CACNA2D1: variants seen among roughly 807,000 people sequenced by gnomAD.
The protein encoded by CACNA2D1 is voltage-dependent calcium channel subunit alpha-2/delta-1.
CACNA2D1 carries 53 observed loss-of-function variants against 171.5 expected under a neutral mutation model. The ratio of observed to expected loss-of-function variants is 0.31; its 90% CI spans 0.25 to 0.39. CACNA2D1 has a LOEUF of 0.39. CACNA2D1 is among the 10% of genes least tolerant of loss of function. CACNA2D1 has a pLI of 1.00. For synonymous variants in CACNA2D1, 442 were observed against 443.1 expected (o/e 1.00, Z 0.03); for missense variants, 903 against 1,299.8 (o/e 0.69, Z 4.69).
At chr7:82,083,074 T>C (rs901225288) in intron 7 of CACNA2D1, among the ~76,000 whole-genome samples, 3 of 152,012 alleles carry the variant, frequency 2.0e-5, no homozygotes, top group Admixed American at 1.3e-4. Flanking sequence ...CCCTTTTCTC[T>C]CTTCCTCTAT....
chr7:81,952,712 C>G (rs1792747111), intron 38 of CACNA2D1, among the ~76,000 whole-genome samples: 1 of 152,060 alleles, frequency 6.6e-6, no homozygotes, highest in Non-Finnish European at 1.5e-5. Flanking sequence ...TTACTTCTCT[C>G]TCCTTTCTTC....
chr7:82,286,163 A>G (rs765304764), intron 3 of CACNA2D1, among the ~76,000 whole-genome samples: 83 of 152,068 alleles, frequency 5.5e-4, no homozygotes, highest in South Asian at 2.5e-3. Flanking sequence ...GCTTTTATAG[A>G]TATTACTTGC....
At position 82,217,661 on chromosome 7, in the gene CACNA2D1, C is replaced by T. The variant is rs200828914; in HGVS notation, c.295-47052G>A. On this transcript the variant is annotated intron_variant, in intron 3 of 38. Transcript: ENST00000356860. The stretch of plus-strand genomic sequence containing the variant: ...ACACACACACACACACACACACACA[C>T]ACAATCTTTATCATCATAATTGGTA... Among the ~76,000 whole-genome samples the T allele has an allele frequency of 3.3e-5, 5 of 149,678 alleles. No homozygotes were observed. In the East Asian group the frequency reaches 7.8e-4, roughly 23 times the overall value.
intron 1 of CACNA2D1, among the ~76,000 whole-genome samples, chr7:82,395,092 G>A (rs1174166224): frequency 2.6e-5 from 4 of 151,886 alleles, no homozygotes; most frequent in African/African-American, 9.7e-5. Context: ...GCATCCTATG[G>A]GCAGATAATA....
chr7:82,400,528 T>C (rs1020267285), intron 1 of CACNA2D1, among the ~76,000 whole-genome samples: 8 of 151,736 alleles, frequency 5.3e-5, no homozygotes, highest in Admixed American at 1.3e-4. Flanking sequence ...CTGGATCCCT[T>C]CCTTACACCT....
intron 1 of CACNA2D1, among the ~76,000 whole-genome samples, chr7:82,412,575 GC>G (rs1827792008): frequency 6.6e-6 from 1 of 151,866 alleles, no homozygotes; most frequent in Non-Finnish European, 1.5e-5. Flanking sequence ...GAGCCACTGT[GC>G]CCGGCCTAGT....
At chr7:82,425,656 C>A (rs769837722) in intron 1 of CACNA2D1, among the ~76,000 whole-genome samples, 1 of 150,348 alleles carries the variant, frequency 6.7e-6, no homozygotes, top group Non-Finnish European at 1.5e-5. Flanking sequence ...TCCTCTCACC[C>A]GCATAGCTGG....
At chr7:82,313,081 C>T (rs1459922377) in intron 3 of CACNA2D1, among the ~76,000 whole-genome samples, 1 of 152,256 alleles carries the variant, frequency 6.6e-6, no homozygotes, top group South Asian at 2.1e-4. Context: ...TTTAATTGAA[C>T]TGATCTATCC....
At chr7:82,235,967 C>A (rs17156054) in intron 3 of CACNA2D1, among the ~76,000 whole-genome samples, 10 of 151,968 alleles carry the variant, frequency 6.6e-5, no homozygotes, top group African/African-American at 2.4e-4. Context: ...GCTCTATATG[C>A]GGATGACTAT....
chr7:82,229,903 T>G (rs1339853818), intron 3 of CACNA2D1, among the ~76,000 whole-genome samples: 1 of 152,140 alleles, frequency 6.6e-6, no homozygotes, highest in Admixed American at 6.6e-5. Context: ...TAAACTGCTC[T>G]AATTTGTATG....
In CACNA2D1 at chr7:82,375,569, A is replaced by G. The variant is rs114446502; in HGVS notation, c.96-25920T>C. Among the ~76,000 whole-genome samples the G allele has an allele frequency of 1.4e-3, 218 of 152,078 alleles. 1 individual carries two copies. Among genetic ancestry groups the G allele is most frequent in the African/African-American group, 4.9e-3 (204 of 41,474 alleles). On this transcript the variant is annotated intron_variant, in intron 1 of 38. Transcript: ENST00000356860. Reference sequence around the variant, plus strand: ...TTTCTCCTATTTTCTTGGAGTACGTATTATCTACACCACTCATTGGTCCAC... The same window carrying G: ...TTTCTCCTATTTTCTTGGAGTACGTGTTATCTACACCACTCATTGGTCCAC...
At chr7:82,157,009 T>C (rs916814167) in intron 4 of CACNA2D1, among the ~76,000 whole-genome samples, 12 of 152,248 alleles carry the variant, frequency 7.9e-5, no homozygotes, top group Middle Eastern at 6.8e-3. Flanking sequence ...TCTAAAGGAA[T>C]GTAAAGCTGT....
At chr7:81,982,428 T>A in intron 24 of CACNA2D1, 139 bp downstream of exon 24, 2 of 656,960 alleles carry the variant, frequency 3.0e-6, no homozygotes, top group Non-Finnish European at 2.7e-6. Flanking sequence ...AAGATTTTGT[T>A]TCAGTTTTAA....
intron 1 of CACNA2D1, among the ~76,000 whole-genome samples, chr7:82,417,295 ATTC>A (rs1828278113): frequency 6.6e-6 from 1 of 152,194 alleles, no homozygotes; most frequent in Non-Finnish European, 1.5e-5. Flanking sequence ...AAACCAGAGG[ATTC>A]ACAGATCTCC....
At chr7:82,214,061 GT>G (rs1332987102) in intron 3 of CACNA2D1, among the ~76,000 whole-genome samples, 1 of 152,064 alleles carries the variant, frequency 6.6e-6, no homozygotes, top group East Asian at 1.9e-4. Flanking sequence ...GCTTTCTGGG[GT>G]TTCTTTTATA....
intron 3 of CACNA2D1, among the ~76,000 whole-genome samples, chr7:82,204,776 G>C (rs1186306701): frequency 6.6e-6 from 1 of 152,162 alleles, no homozygotes; most frequent in East Asian, 1.9e-4. Context: ...AGGCCTCTGT[G>C]TCAGACCTGT....
chr7:82,359,468 T>C (rs960377929), intron 1 of CACNA2D1, among the ~76,000 whole-genome samples: 1 of 152,194 alleles, frequency 6.6e-6, no homozygotes, highest in Non-Finnish European at 1.5e-5. Flanking sequence ...GTGAATCTAC[T>C]TCCCCATATA....
At chr7:82,184,347 A>C (rs535109037) in intron 3 of CACNA2D1, among the ~76,000 whole-genome samples, 62 of 152,186 alleles carry the variant, frequency 4.1e-4, no homozygotes, top group African/African-American at 1.4e-3. Flanking sequence ...TTGGTTTCTT[A>C]AATGGCAGAA....
At chr7:82,325,316 T>C (rs1816510084) in intron 3 of CACNA2D1, among the ~76,000 whole-genome samples, 3 of 152,192 alleles carry the variant, frequency 2.0e-5, no homozygotes, top group African/African-American at 7.2e-5. Flanking sequence ...TTCTTCAGGT[T>C]ATGTCTGAAT....
Sources: gnomAD v4.1 joint callset for allele counts (sites outside exome capture counted in the v4.1 genomes callset) on GRCh38, gnomAD v4.1.1 for gene constraint, MANE v1.5 for transcripts, NCBI Gene and HGNC (gene_info 2026-07-23, HGNC 2026-07-21) for gene names.